The following FAM167A variants were observed in gnomAD, a reference collection of about 807,000 sequenced individuals.
The protein encoded by FAM167A is family with sequence similarity 167 member A, also known as protein FAM167A.
In FAM167A, 23 loss-of-function variants were observed where a neutral mutation model predicts 14.9. That is an observed-to-expected ratio of 1.55 (90% confidence interval 1.11 to 2.19). The LOEUF (loss-of-function observed/expected upper bound fraction) is 2.19. Among genes scored for constraint, FAM167A ranks in the 30% most tolerant of loss-of-function variants. The probability of loss-of-function intolerance (pLI) is 0.00; values close to 1 mark genes in which losing one functional copy is unlikely to be tolerated. For missense variants in FAM167A, 401 were observed against 281.5 expected, an observed-to-expected ratio of 1.42 and a Z score of -3.04; for synonymous variants, 174 against 117.7, an observed-to-expected ratio of 1.48 and a Z score of -3.10.
chr8:11,461,162 C>A (rs1188011100), intron 1 of FAM167A, among the ~76,000 whole-genome samples: 1 of 152,206 alleles, frequency 6.6e-6, no homozygotes, highest in African/African-American at 2.4e-5. Context: ...AGGGCCACTG[C>A]AGGGAGAGGG....
At chr8:11,457,521 G>A (rs1372901434) in intron 1 of FAM167A, among the ~76,000 whole-genome samples, 1 of 152,056 alleles carries the variant, frequency 6.6e-6, no homozygotes, top group East Asian at 1.9e-4. Context: ...GTTGGTGTCT[G>A]TGTGTCCCAC....
chr8:11,444,824 G>C lies in FAM167A; in HGVS notation c.-397-16C>G. ...GCTGGAGACCCTGTGGGAGGGATGA[G>C]AACCGCATCAGTCCCGATCCCTGCC... is the stretch of plus-strand genomic sequence containing the variant. On this transcript the variant is annotated splice_polypyrimidine_tract_variant and intron_variant, in intron 1 of 2. Transcript: ENST00000284486. 1.0e-6 allele frequency: 1 copy of C among 1,000,702 alleles called. No individual in the cohort carries two copies. Among genetic ancestry groups the C allele is most frequent in the Non-Finnish European group, 1.2e-6 (1 of 839,584 alleles). 62.0% of individuals were successfully genotyped at this position (1,000,702 alleles called of 1,614,324 possible). A position where few individuals can be genotyped will look rare whatever the true frequency, so the allele number is the denominator to read the frequency against.
At chr8:11,440,655 C>G (rs956796840) in intron 2 of FAM167A, among the ~76,000 whole-genome samples, 1 of 152,188 alleles carries the variant, frequency 6.6e-6, no homozygotes, top group Non-Finnish European at 1.5e-5. Flanking sequence ...TCAAAACTCC[C>G]TTTAAGTTAC....
chr8:11,445,478 G>A, intron 1 of FAM167A: 2 of 985,782 alleles, frequency 2.0e-6, no homozygotes, highest in Non-Finnish European at 2.4e-6. Context: ...AGAAGGCGGT[G>A]GCACCTGGGC....
intron 2 of FAM167A, chr8:11,438,051 A>G (rs1354539188): frequency 7.4e-6 from 3 of 403,790 alleles, no homozygotes; most frequent in African/African-American, 6.3e-5. Context: ...GAAACTTCAC[A>G]AAGACAGGAG....
intron 2 of FAM167A, among the ~76,000 whole-genome samples, chr8:11,430,595 C>G (rs529398402): frequency 6.6e-6 from 1 of 152,128 alleles, no homozygotes; most frequent in African/African-American, 2.4e-5. Context: ...ATTTTAAACA[C>G]CAATTAAAGA....
intron 2 of FAM167A, among the ~76,000 whole-genome samples, chr8:11,436,108 C>A (rs1805989124): frequency 6.6e-6 from 1 of 152,234 alleles, no homozygotes; most frequent in Non-Finnish European, 1.5e-5. Context: ...AACTGTACTG[C>A]CTGTCACACG....
Position 11,462,491 on chromosome 8 carries a change from T to A in FAM167A, c.-398+4135A>T, listed in dbSNP as rs528144660. On this transcript the variant is annotated intron_variant, in intron 1 of 2. Transcript: ENST00000284486. ...TGTGCTTGGCTGTCACTCTCCTTGG[T>A]CCATCGAATTGGGAAATGGCTCCTG... 6.4e-4 allele frequency among the ~76,000 whole-genome samples: 98 copies of A among 152,322 alleles called. 2 individuals carry two copies. The highest frequency in any genetic ancestry group is 2.2e-3 in the African/African-American group (92 of 41,570).
intron 2 of FAM167A, among the ~76,000 whole-genome samples, chr8:11,436,070 C>T (rs988032534): frequency 6.6e-6 from 1 of 152,250 alleles, no homozygotes; most frequent in Non-Finnish European, 1.5e-5. Flanking sequence ...CTTCACCCAC[C>T]TTTACTGAGC....
intron 1 of FAM167A, among the ~76,000 whole-genome samples, chr8:11,456,103 T>TGA (rs1807271976): frequency 9.7e-6 from 1 of 103,386 alleles, no homozygotes; most frequent in African/African-American, 3.8e-5. Flanking sequence ...CCTTGCTGTG[T>TGA]GTGTGTGTGA....
chr8:11,457,112 G>T (rs1259390409), intron 1 of FAM167A, among the ~76,000 whole-genome samples: 1 of 143,270 alleles, frequency 7.0e-6, no homozygotes, highest in Non-Finnish European at 1.5e-5. Flanking sequence ...GGCGGGGCTG[G>T]GTTGGGGAAG....
chr8:11,475,586 G>C (rs557790483), intron 1 of FAM167A, among the ~76,000 whole-genome samples: 1 of 152,030 alleles, frequency 6.6e-6, no homozygotes, highest in Non-Finnish European at 1.5e-5. Flanking sequence ...TGAACCTCCT[G>C]CAAAAGTCTT....
At chr8:11,425,670 C>A (rs560927120) in intron 2 of FAM167A, among the ~76,000 whole-genome samples, 3 of 149,616 alleles carry the variant, frequency 2.0e-5, no homozygotes, top group African/African-American at 7.6e-5. Context: ...TTTGTTATAC[C>A]CCCCCTTGCT....
At chr8:11,449,410 G>T (rs1367330153) in intron 1 of FAM167A, among the ~76,000 whole-genome samples, 1 of 152,220 alleles carries the variant, frequency 6.6e-6, no homozygotes, top group Non-Finnish European at 1.5e-5. Context: ...TCCTGGGCTG[G>T]AAAAGCAGTG....
intron 1 of FAM167A, among the ~76,000 whole-genome samples, chr8:11,451,308 G>A (rs1369133487): frequency 6.6e-6 from 1 of 152,250 alleles, no homozygotes; most frequent in Non-Finnish European, 1.5e-5. Context: ...GGAGCTGGGG[G>A]CCCGCAGCTG....
intron 2 of FAM167A, among the ~76,000 whole-genome samples, chr8:11,440,123 C>T (rs566139982): frequency 1.7e-4 from 26 of 152,180 alleles, no homozygotes; most frequent in Non-Finnish European, 3.2e-4. Context: ...CCTAGAACTG[C>T]AGCTGCACAA....
chr8:11,475,173 G>A (rs1188273832), intron 1 of FAM167A, among the ~76,000 whole-genome samples: 1 of 152,164 alleles, frequency 6.6e-6, no homozygotes, highest in African/African-American at 2.4e-5. Flanking sequence ...AAGGCCCACC[G>A]TGGTGCCCCC....
At chr8:11,472,213 C>T (rs1360287282), upstream of FAM167A, among the ~76,000 whole-genome samples, 1 of 152,118 alleles carries the variant, frequency 6.6e-6, no homozygotes. Flanking sequence ...CGCAGCACAC[C>T]GCACACAGAC....
intron 2 of FAM167A, chr8:11,438,219 C>G (rs767719775): frequency 1.6e-5 from 7 of 439,912 alleles, no homozygotes; most frequent in Non-Finnish European, 2.7e-5. Context: ...CGGTGAGGTG[C>G]TGCTGTGGGG....
Sources: allele counts gnomAD v4.1 joint callset (sites outside exome capture counted in the v4.1 genomes callset), GRCh38; gene constraint gnomAD v4.1.1; transcripts MANE v1.5; gene names NCBI Gene and HGNC (gene_info 2026-07-23, HGNC 2026-07-21).